RASAL2: variants seen among roughly 807,000 people sequenced by gnomAD.
RASAL2 encodes ras GTPase-activating protein nGAP.
In RASAL2, 58 loss-of-function variants were observed where a neutral mutation model predicts 128.9. The ratio of observed to expected loss-of-function variants is 0.45; its 90% CI spans 0.36 to 0.56. The LOEUF is 0.56. Ranked by LOEUF, RASAL2 falls within the 20% of genes least tolerant of loss-of-function variation. The pLI, the probability that RASAL2 is intolerant of heterozygous loss-of-function variation, is 0.00. For synonymous variants in RASAL2, 561 were observed against 580.8 expected, an observed-to-expected ratio of 0.97 and a Z score of 0.49; for missense variants, 1,360 against 1,601.6, an observed-to-expected ratio of 0.85 and a Z score of 2.57.
intron 1 of RASAL2, among the ~76,000 whole-genome samples, chr1:178,151,172 G>C (rs1660902036): frequency 6.6e-6 from 1 of 152,122 alleles, no homozygotes; most frequent in African/African-American, 2.4e-5. Context: ...TTGGGAGGCC[G>C]AGGCGGGTGG....
chr1:178,391,951 G>A lies in RASAL2; in HGVS notation c.564+1745G>A, dbSNP rs1672933460. On this transcript the variant is annotated intron_variant, in intron 4 of 17. Coordinates refer to ENST00000367649, the MANE Select transcript of RASAL2 (RefSeq NM_170692.4). ...ATTATAGTAGTGGACTCTCACAAAG[G>A]ACCTTATTCTTCCGAGCTCCATTTT... 2.0e-5 allele frequency among the ~76,000 whole-genome samples: 3 copies of A among 152,090 alleles called. 1 individual carries two copies. The South Asian group carries it at 6.2e-4, about 32-fold the overall frequency.
chr1:178,342,764 A>G (rs990684909), intron 3 of RASAL2, among the ~76,000 whole-genome samples: 9 of 152,190 alleles, frequency 5.9e-5, no homozygotes, highest in African/African-American at 1.9e-4. Flanking sequence ...TGTTTATTCA[A>G]AAATATAAGA....
intron 4 of RASAL2, among the ~76,000 whole-genome samples, chr1:178,405,474 A>G (rs1236531013): frequency 1.3e-5 from 2 of 152,216 alleles, no homozygotes; most frequent in African/African-American, 4.8e-5. Flanking sequence ...TAGGAAGATT[A>G]TCCTAAATTA....
Position 178,288,412 on chromosome 1 carries a change from T to G in RASAL2, c.330+4721T>G, listed in dbSNP as rs552121536. 3.3e-5 allele frequency among the ~76,000 whole-genome samples: 5 copies of G among 152,134 alleles called. No individual in the cohort carries two copies. In the South Asian group the frequency reaches 1.0e-3, roughly 32 times the overall value. ...AATTCACAAGAGAACTTCTGCACAC[T>G]CCATTACTGTATCTGCCTAACAGCA... is the stretch of plus-strand genomic sequence containing the variant. On this transcript the variant is annotated intron_variant, in intron 2 of 17. Transcript: ENST00000367649.
At chr1:178,165,949 C>T (rs1173221719) in intron 1 of RASAL2, among the ~76,000 whole-genome samples, 1 of 152,094 alleles carries the variant, frequency 6.6e-6, no homozygotes, top group African/African-American at 2.4e-5. Context: ...GCGGGAATTA[C>T]ATTTATAAGC....
chr1:178,266,501 A>G (rs1006072780), intron 1 of RASAL2, among the ~76,000 whole-genome samples: 1 of 152,186 alleles, frequency 6.6e-6, no homozygotes. Context: ...TACGGCTCCA[A>G]TGAGTGGAGG....
intron 1 of RASAL2, among the ~76,000 whole-genome samples, chr1:178,269,170 C>A (rs1164519914): frequency 6.6e-6 from 1 of 152,190 alleles, no homozygotes; most frequent in Non-Finnish European, 1.5e-5. Context: ...GATCTCTCTT[C>A]CCCATGTGAG....
At chr1:178,429,541 G>A (rs1251456812) in intron 5 of RASAL2, among the ~76,000 whole-genome samples, 1 of 152,092 alleles carries the variant, frequency 6.6e-6, no homozygotes, top group Non-Finnish European at 1.5e-5. Context: ...TGCTGCAGTT[G>A]ATCTGATACA....
chr1:178,279,058 A>T (rs1418530206), intron 1 of RASAL2, among the ~76,000 whole-genome samples: 1 of 152,224 alleles, frequency 6.6e-6, no homozygotes, highest in African/African-American at 2.4e-5. Flanking sequence ...TTTTAGACTT[A>T]GTGGCAGGCC....
chr1:178,157,057 AG>A (rs1385393638), intron 1 of RASAL2, among the ~76,000 whole-genome samples: 1 of 152,140 alleles, frequency 6.6e-6, no homozygotes, highest in Non-Finnish European at 1.5e-5. Flanking sequence ...ATCTAGTGTT[AG>A]TACTCATTTG....
At chr1:178,362,191 T>A (rs983947777) in intron 3 of RASAL2, among the ~76,000 whole-genome samples, 1 of 152,190 alleles carries the variant, frequency 6.6e-6, no homozygotes, top group African/African-American at 2.4e-5. Context: ...TTACAAGTAA[T>A]CTAGAGATGA....
chr1:178,412,262 AAG>A (rs1403763921), intron 4 of RASAL2, among the ~76,000 whole-genome samples: 3 of 152,152 alleles, frequency 2.0e-5, no homozygotes. Flanking sequence ...GAGAGCAGCA[AAG>A]AGAGATGAAG....
intron 3 of RASAL2, among the ~76,000 whole-genome samples, chr1:178,305,966 A>T (rs1035782823): frequency 1.3e-5 from 2 of 152,208 alleles, no homozygotes; most frequent in Non-Finnish European, 1.5e-5. Context: ...AATTGAGACA[A>T]ATGTGTATGG....
At chr1:178,467,677 T>C (rs146603138) in intron 17 of RASAL2, among the ~76,000 whole-genome samples, 185 of 152,352 alleles carry the variant, frequency 1.2e-3, no homozygotes, top group African/African-American at 4.2e-3. Flanking sequence ...ACCTAGTGCA[T>C]GATGGGGTTT....
chr1:178,177,503 G>A (rs1196457334), intron 1 of RASAL2, among the ~76,000 whole-genome samples: 1 of 152,118 alleles, frequency 6.6e-6, no homozygotes, highest in Non-Finnish European at 1.5e-5. Context: ...AGTAAGTACT[G>A]TAAAGGAAAG....
chr1:178,131,328 T>A (rs1660107019), intron 1 of RASAL2, among the ~76,000 whole-genome samples: 1 of 147,376 alleles, frequency 6.8e-6, no homozygotes, highest in Non-Finnish European at 1.5e-5. Flanking sequence ...TGCCTCAGCC[T>A]CCTGAGTAGC....
At chr1:178,403,870 TAAAA>T (rs924795654) in intron 4 of RASAL2, among the ~76,000 whole-genome samples, 4 of 151,852 alleles carry the variant, frequency 2.6e-5, no homozygotes, top group African/African-American at 7.3e-5. Flanking sequence ...GACAAAAAAA[TAAAA>T]AAATTAAAGT....
chr1:178,117,316 C>CT (rs1429909115), intron 1 of RASAL2, among the ~76,000 whole-genome samples: 2 of 152,200 alleles, frequency 1.3e-5, no homozygotes, highest in Non-Finnish European at 2.9e-5. Context: ...GAACTCAACT[C>CT]TAACCATTCT....
intron 1 of RASAL2, among the ~76,000 whole-genome samples, chr1:178,250,534 C>T (rs554651537): frequency 8.0e-4 from 122 of 152,310 alleles, no homozygotes; most frequent in Non-Finnish European, 1.3e-3. Context: ...ACTCGCTGAT[C>T]GAGACCACTT....
Sources: gnomAD v4.1 joint callset for allele counts (sites outside exome capture counted in the v4.1 genomes callset) on GRCh38, gnomAD v4.1.1 for gene constraint, MANE v1.5 for transcripts, NCBI Gene and HGNC (gene_info 2026-07-23, HGNC 2026-07-21) for gene names.